The following SLC25A48 variants were observed in gnomAD, a reference collection of about 807,000 sequenced individuals.
The protein encoded by SLC25A48 is solute carrier family 25 member 48.
In SLC25A48, 29 loss-of-function variants were observed where a neutral mutation model predicts 32.2. The observed-to-expected ratio is 0.90, with a 90% CI of 0.67 to 1.23. SLC25A48 has a LOEUF of 1.23. Among genes scored for constraint, SLC25A48 ranks in the 50% most tolerant of loss-of-function variants. SLC25A48 has a pLI of 0.00. For synonymous variants in SLC25A48, 164 were observed against 172.3 expected, an observed-to-expected ratio of 0.95 and a Z score of 0.38; for missense variants, 399 against 422.7, an observed-to-expected ratio of 0.94 and a Z score of 0.49.
chr5:135,618,542 G>A (rs6596250), intron 1 of SLC25A48, among the ~76,000 whole-genome samples: 54,776 of 151,796 alleles, frequency 0.36, 9,858 homozygotes, highest in Middle Eastern at 0.38. Context: ...GTTCTGTAGT[G>A]TTTACATTTA....
At chr5:135,788,697 GAA>G (rs1756925715) in intron 3 of SLC25A48, among the ~76,000 whole-genome samples, 1 of 150,896 alleles carries the variant, frequency 6.6e-6, no homozygotes. Context: ...TCCAGGGGGG[GAA>G]GAGGGTGACA....
chr5:135,633,099 G>C (rs1354403107), intron 2 of SLC25A48, among the ~76,000 whole-genome samples: 2 of 152,128 alleles, frequency 1.3e-5, no homozygotes, highest in African/African-American at 4.8e-5. Context: ...TTTCAAGTGG[G>C]GGAGGGCAGC....
At chr5:135,740,926 A>C (rs1755488986) in intron 3 of SLC25A48, among the ~76,000 whole-genome samples, 2 of 152,220 alleles carry the variant, frequency 1.3e-5, no homozygotes, top group Non-Finnish European at 1.5e-5. Flanking sequence ...GAATCTACTC[A>C]ATACTGTACT....
chr5:135,626,330 A>G (rs1043464417), intron 1 of SLC25A48, among the ~76,000 whole-genome samples: 1 of 152,232 alleles, frequency 6.6e-6, no homozygotes, highest in Non-Finnish European at 1.5e-5. Context: ...TTTGTCCTAT[A>G]AACATCCATG....
intron 3 of SLC25A48, among the ~76,000 whole-genome samples, chr5:135,655,807 C>T (rs924748629): frequency 2.0e-5 from 3 of 152,232 alleles, no homozygotes; most frequent in South Asian, 2.1e-4. Flanking sequence ...GCATCCTCCC[C>T]ACGGCTGTGA....
intron 3 of SLC25A48, among the ~76,000 whole-genome samples, chr5:135,850,809 A>G (rs1183443078): frequency 6.6e-6 from 1 of 152,220 alleles, no homozygotes; most frequent in Non-Finnish European, 1.5e-5. Context: ...AGTTTTTCAC[A>G]AAGGAATGAG....
intron 3 of SLC25A48, among the ~76,000 whole-genome samples, chr5:135,769,189 G>C (rs564009960): frequency 7.0e-6 from 1 of 143,844 alleles, no homozygotes; most frequent in South Asian, 2.2e-4. Context: ...AATATTTATG[G>C]GGGGAAAGGA....
chr5:135,700,813 C>A (rs1214086894), intron 3 of SLC25A48, among the ~76,000 whole-genome samples: 2 of 152,206 alleles, frequency 1.3e-5, no homozygotes, highest in Non-Finnish European at 2.9e-5. Context: ...GTGCACCTAC[C>A]AGTAACAACA....
chr5:135,638,302 G>C (rs964627347), intron 3 of SLC25A48, among the ~76,000 whole-genome samples: 3 of 152,136 alleles, frequency 2.0e-5, no homozygotes, highest in African/African-American at 7.2e-5. Context: ...CCGAAATTCT[G>C]TATTTTCTTG....
At chr5:135,883,780 C>A (rs1453388038) in intron 7 of SLC25A48, among the ~76,000 whole-genome samples, 2 of 152,160 alleles carry the variant, frequency 1.3e-5, no homozygotes, top group African/African-American at 4.8e-5. Context: ...ACTCTCTGGG[C>A]CTTATTTTTA....
At chr5:135,826,541 TGTAAATAAATC>T (rs1044812681) in intron 4 of SLC25A48, 1 of 152,240 alleles carries the variant, frequency 6.6e-6, no homozygotes, top group Non-Finnish European at 1.5e-5. Flanking sequence ...AAGCTGGTTT[TGTAAATAAATC>T]GTGCACCTTG....
At chr5:135,826,132 C>G (rs1366576381) in intron 4 of SLC25A48, 1 of 152,482 alleles carries the variant, frequency 6.6e-6, no homozygotes, top group African/African-American at 2.4e-5. Context: ...ACCCCCCTTA[C>G]CCAGCAGAGC....
chr5:135,815,349 GC>G (rs1490809336), intron 4 of SLC25A48, among the ~76,000 whole-genome samples: 1 of 152,168 alleles, frequency 6.6e-6, no homozygotes, highest in African/African-American at 2.4e-5. Flanking sequence ...AGAATTTCAT[GC>G]CCCCCACTGA....
intron 2 of SLC25A48, among the ~76,000 whole-genome samples, chr5:135,849,841 G>A (rs1472949137): frequency 1.3e-5 from 2 of 152,128 alleles, no homozygotes; most frequent in Admixed American, 1.3e-4. Flanking sequence ...ATGGCATGTG[G>A]GGTGAGAGAC....
intron 7 of SLC25A48, among the ~76,000 whole-genome samples, chr5:135,886,695 AGAGAGAGT>A (rs1427450396): frequency 2.9e-5 from 4 of 137,796 alleles, no homozygotes; most frequent in Non-Finnish European, 4.6e-5. Flanking sequence ...AGAGAGAGAG[AGAGAGAGT>A]GTGTGTGTGT....
intron 3 of SLC25A48, among the ~76,000 whole-genome samples, chr5:135,766,949 T>C (rs1756248251): frequency 6.6e-6 from 1 of 151,868 alleles, no homozygotes; most frequent in Non-Finnish European, 1.5e-5. Flanking sequence ...GAGGGTGATA[T>C]TACTCTTCAT....
In SLC25A48 at chr5:135,763,754, A is replaced by AACACACACACACACACACAC. The variant is rs747888245; in HGVS notation, c.-520-48760_-520-48759insCACACACACACACACACACA. On this transcript the variant is annotated intron_variant, in intron 3 of 10. Transcript: ENST00000646290. ...GTGCTTAGGAAACCGGAGAAATAGG[A>AACACACACACACACACACAC]ACACACACATACACACACACACACA... Among the ~76,000 whole-genome samples, 195 of 145,984 alleles carry AACACACACACACACACACAC rather than the reference A, an allele frequency of 1.3e-3. 1 individual carries two copies. The highest frequency in any genetic ancestry group is 6.9e-3 in the Middle Eastern group (2 of 288).
At chr5:135,615,129 G>T (rs1201054843) in intron 1 of SLC25A48, among the ~76,000 whole-genome samples, 2 of 152,158 alleles carry the variant, frequency 1.3e-5, no homozygotes, top group African/African-American at 4.8e-5. Context: ...AACTAATATA[G>T]AAAATTGGTA....
At chr5:135,760,032 T>C (rs1004449652) in intron 3 of SLC25A48, among the ~76,000 whole-genome samples, 1 of 152,006 alleles carries the variant, frequency 6.6e-6, no homozygotes, top group African/African-American at 2.4e-5. Context: ...GATATCACCA[T>C]GTTGGCCAGG....
Sources: gnomAD v4.1 joint callset for allele counts (sites outside exome capture counted in the v4.1 genomes callset) on GRCh38, gnomAD v4.1.1 for gene constraint, MANE v1.5 for transcripts, NCBI Gene and HGNC (gene_info 2026-07-23, HGNC 2026-07-21) for gene names.